USH2A: variants seen among roughly 807,000 people sequenced by gnomAD.
USH2A encodes usherin.
A neutral mutation model predicts 538.9 loss-of-function variants in USH2A; 443 were observed. That is an observed-to-expected ratio of 0.82 (90% CI 0.76 to 0.89). USH2A has a LOEUF of 0.89. USH2A is among the 40% of genes least tolerant of loss of function. USH2A has a pLI of 0.00. For missense variants in USH2A, 6,633 were observed against 6,324.8 expected (o/e 1.05, Z -1.65); for synonymous variants, 2,413 against 2,273.5 (o/e 1.06, Z -1.75).
chr1:216,377,807 AAAAGAAAGAAAG>A (rs200931887), intron 3 of USH2A, among the ~76,000 whole-genome samples: 3,794 of 49,254 alleles, frequency 0.077, 174 homozygotes, highest in African/African-American at 0.1. Flanking sequence ...GAAAGAAATA[AAAAGAAAGAAAG>A]AAAGAAAGAA....
chr1:216,123,923 C>T (rs562820198), intron 21 of USH2A, among the ~76,000 whole-genome samples: 1 of 152,214 alleles, frequency 6.6e-6, no homozygotes, highest in South Asian at 2.1e-4. Flanking sequence ...CATACAGTGA[C>T]CCCATAGCCC....
intron 61 of USH2A, among the ~76,000 whole-genome samples, chr1:215,716,915 C>T (rs1659504447): frequency 6.6e-6 from 1 of 152,262 alleles, no homozygotes; most frequent in South Asian, 2.1e-4. Context: ...GCAAGATTTA[C>T]AATTCAATTC....
chr1:215,867,720 G>A (rs1263063427), intron 43 of USH2A, among the ~76,000 whole-genome samples: 3 of 152,112 alleles, frequency 2.0e-5, no homozygotes, highest in South Asian at 2.1e-4. Flanking sequence ...ACATTCTCCC[G>A]CTGAGAGTTT....
At chr1:215,948,174 T>C (rs1174623273) in intron 37 of USH2A, among the ~76,000 whole-genome samples, 1 of 152,060 alleles carries the variant, frequency 6.6e-6, no homozygotes, top group African/African-American at 2.4e-5. Flanking sequence ...AGGTCTTTTG[T>C]TTCTGAAATG....
chr1:216,270,962 G>C (rs776427268), intron 11 of USH2A, among the ~76,000 whole-genome samples: 3 of 152,076 alleles, frequency 2.0e-5, no homozygotes, highest in African/African-American at 7.2e-5. Flanking sequence ...TGCACTTTCT[G>C]TAAGTAAAAT....
intron 52 of USH2A, 105 bp downstream of exon 52, chr1:215,786,565 A>G (rs1661806882): frequency 4.8e-6 from 6 of 1,241,054 alleles, no homozygotes; most frequent in Non-Finnish European, 5.9e-6. Flanking sequence ...GAATGTACTG[A>G]TATCAGTTTA....
chr1:215,686,294 A>G (rs2820686), intron 61 of USH2A, among the ~76,000 whole-genome samples: 112,053 of 151,896 alleles, frequency 0.74, 41,813 homozygotes, highest in East Asian at 0.9. Flanking sequence ...ATACTAAGGA[A>G]ATACTTGTTA....
intron 43 of USH2A, among the ~76,000 whole-genome samples, chr1:215,871,661 T>G (rs139095528): frequency 1.3e-5 from 2 of 152,248 alleles, no homozygotes; most frequent in Non-Finnish European, 2.9e-5. Context: ...AAAATTGTTA[T>G]CTGTCCACCT....
intron 64 of USH2A, among the ~76,000 whole-genome samples, chr1:215,669,562 A>G (rs1657744925): frequency 6.6e-6 from 1 of 152,230 alleles, no homozygotes; most frequent in Non-Finnish European, 1.5e-5. Flanking sequence ...TTTTTGTAGC[A>G]AAACATATAA....
intron 14 of USH2A, among the ~76,000 whole-genome samples, chr1:216,231,252 TATATATAATA>T (rs2035678358): frequency 2.0e-5 from 2 of 98,918 alleles, no homozygotes; most frequent in East Asian, 2.8e-4. Context: ...ATATATATTA[TATATATAATA>T]TATATATATA....
chr1:216,195,633 A>G (rs1274713613), intron 19 of USH2A: 2 of 152,684 alleles, frequency 1.3e-5, no homozygotes, highest in African/African-American at 4.8e-5. Flanking sequence ...GGCATGAAAA[A>G]AAAAGATGGA....
In USH2A at chr1:216,091,792, CT is replaced by C. The variant is rs1358587257; in HGVS notation, c.4759-2654del. ...CTACTTTAAAATTCCTTGAAATTCT[CT>C]TCATAATTCAAAATTTGGCTATTTT... On this transcript the variant is annotated intron_variant, in intron 22 of 71. Transcript: ENST00000307340. Among the ~76,000 whole-genome samples, 4 of 152,124 alleles carry C rather than the reference CT, an allele frequency of 2.6e-5. No individual in the cohort carries two copies. The East Asian group carries it at 7.7e-4, about 29-fold the overall frequency.
At chr1:216,159,571 C>CACACAG (rs67390722) in intron 21 of USH2A, among the ~76,000 whole-genome samples, 1,892 of 145,156 alleles carry the variant, frequency 0.013, 18 homozygotes, top group Non-Finnish European at 0.023. Context: ...CACACACACA[C>CACACAG]AGAGAATATT....
At chr1:216,233,901 C>T (rs2035753493) in intron 13 of USH2A, among the ~76,000 whole-genome samples, 1 of 152,034 alleles carries the variant, frequency 6.6e-6, no homozygotes, top group Non-Finnish European at 1.5e-5. Flanking sequence ...TACACACATG[C>T]ACAGACCCAT....
intron 21 of USH2A, among the ~76,000 whole-genome samples, chr1:216,132,852 C>T (rs2033405448): frequency 6.6e-6 from 1 of 152,096 alleles, no homozygotes; most frequent in African/African-American, 2.4e-5. Context: ...CTGCTCTCAG[C>T]TGCTTATAAT....
At chr1:216,021,030 T>G (rs1275887249) in intron 32 of USH2A, among the ~76,000 whole-genome samples, 1 of 152,136 alleles carries the variant, frequency 6.6e-6, no homozygotes, top group African/African-American at 2.4e-5. Flanking sequence ...GGTAGTCTTG[T>G]GGGACTGGGC....
intron 6 of USH2A, among the ~76,000 whole-genome samples, chr1:216,325,092 T>A (rs369165252): frequency 2.0e-5 from 3 of 152,072 alleles, no homozygotes; most frequent in East Asian, 3.9e-4. Context: ...ACAAGCCAAG[T>A]AACACCAAGG....
At chr1:216,231,237 TATATATATATATTATATATATA>T (rs71161409) in intron 14 of USH2A, among the ~76,000 whole-genome samples, 7,896 of 41,316 alleles carry the variant, frequency 0.19, 823 homozygotes, top group South Asian at 0.29. Context: ...ATATCCCATA[TATATATATATATTATATATATA>T]ATATATATAT....
chr1:215,896,464 A>T (rs961996302), intron 40 of USH2A, among the ~76,000 whole-genome samples: 1 of 152,212 alleles, frequency 6.6e-6, no homozygotes, highest in Non-Finnish European at 1.5e-5. Flanking sequence ...TAAGAGAAAC[A>T]GATTATCTAA....
Sources: allele counts gnomAD v4.1 joint callset (sites outside exome capture counted in the v4.1 genomes callset), GRCh38; gene constraint gnomAD v4.1.1; transcripts MANE v1.5; gene names NCBI Gene and HGNC (gene_info 2026-07-23, HGNC 2026-07-21).